The following DLC1 variants were observed in gnomAD, a reference collection of about 807,000 sequenced individuals.
DLC1 encodes DLC1 Rho GTPase activating protein, also known as rho GTPase-activating protein 7.
In DLC1, 54 loss-of-function variants were observed where a neutral mutation model predicts 140.3. That is an observed-to-expected ratio of 0.38 (90% CI 0.31 to 0.48). The LOEUF (loss-of-function observed/expected upper bound fraction) is 0.48, where lower values mean the gene tolerates loss of function less well. Among genes scored for constraint, DLC1 ranks in the 20% least tolerant of loss-of-function variants. The probability of loss-of-function intolerance (pLI) is 0.96; values close to 1 mark genes in which losing one functional copy is unlikely to be tolerated. For missense variants in DLC1, 2,536 were observed against 1,907.0 expected, an observed-to-expected ratio of 1.33 and a Z score of -6.14; for synonymous variants, 986 against 728.1, an observed-to-expected ratio of 1.35 and a Z score of -5.70.
At chr8:13,532,200 G>T (rs567082616) in intron 1 of DLC1, among the ~76,000 whole-genome samples, 1 of 152,122 alleles carries the variant, frequency 6.6e-6, no homozygotes, top group Non-Finnish European at 1.5e-5. Context: ...AGCCCAGGAC[G>T]TTGAGGTTGC....
At chr8:13,545,415 C>A (rs1273482226) in intron 1 of DLC1, among the ~76,000 whole-genome samples, 3 of 151,792 alleles carry the variant, frequency 2.0e-5, no homozygotes, top group African/African-American at 7.3e-5. Context: ...AGGTTGTTTC[C>A]CCTAAGTCAT....
In DLC1 at chr8:13,271,992, T is replaced by C. The variant is rs556473161; in HGVS notation, c.1348+33277A>G. Among the ~76,000 whole-genome samples, 53 of 152,326 alleles carry C rather than the reference T, an allele frequency of 3.5e-4. 2 individuals are homozygous for C. In the South Asian group the frequency reaches 0.011, roughly 32 times the overall value. On this transcript the variant is annotated intron_variant, in intron 5 of 17. Coordinates refer to ENST00000276297, the MANE Select transcript of DLC1 (RefSeq NM_182643.3). ...ACCCAGGCTCTTAAATGTTTAGCTA[T>C]GGGAATAATGTGACGTCACATATCT...
chr8:13,170,729 CAA>C (rs1179460110), intron 5 of DLC1, among the ~76,000 whole-genome samples: 52 of 63,112 alleles, frequency 8.2e-4, no homozygotes, highest in Admixed American at 1.3e-3. Context: ...GACTCCATCT[CAA>C]AAAAAAAAAA....
intron 1 of DLC1, among the ~76,000 whole-genome samples, chr8:13,581,082 C>G (rs1805079054): frequency 6.6e-6 from 1 of 152,172 alleles, no homozygotes; most frequent in Admixed American, 6.5e-5. Context: ...GAGTCAGACT[C>G]TATTACAAAG....
Position 13,090,259 on chromosome 8 carries a change from T to A in DLC1, c.4067A>T (p.Tyr1356Phe), listed in dbSNP as rs191653546. The A allele has an allele frequency of 6.2e-7, 1 of 1,614,016 alleles. No individual in the cohort carries two copies. The highest frequency in any genetic ancestry group is 2.2e-5 in the East Asian group (1 of 44,878). The stretch of plus-strand genomic sequence containing the variant: ...AACAGGGTGAAGCCTTACCTTCTTA[T>A]AGGACAGCTCAGCCTGCTCCGAAGT... ...YSTSEQAELS[Y>F]KKVSEGPPLR... Residue 1356 changes from tyrosine (Y) to phenylalanine (F), a missense_variant, in exon 15 of 18, where the codon TAT (tyrosine) becomes TTT (phenylalanine). By Grantham distance (22) the Tyr-to-Phe change is conservative. Transcript: ENST00000276297.
chr8:13,256,744 G>A (rs538270814), intron 5 of DLC1, among the ~76,000 whole-genome samples: 1 of 152,170 alleles, frequency 6.6e-6, no homozygotes, highest in South Asian at 2.1e-4. Context: ...CAAGGGAAGG[G>A]AGAGCATTAA....
intron 15 of DLC1, among the ~76,000 whole-genome samples, chr8:13,089,016 T>C (rs1317071159): frequency 6.6e-6 from 1 of 152,100 alleles, no homozygotes. Context: ...CCCAGCACTT[T>C]GGGAAGCCGA....
At chr8:13,170,523 A>G (rs7818388) in intron 5 of DLC1, among the ~76,000 whole-genome samples, 85,309 of 151,886 alleles carry the variant, frequency 0.56, 24,292 homozygotes, top group East Asian at 0.85. Context: ...GAGGTCAGGA[A>G]ATCGAGACCA....
At chr8:13,281,863 A>G (rs989674768) in intron 5 of DLC1, among the ~76,000 whole-genome samples, 2 of 152,210 alleles carry the variant, frequency 1.3e-5, no homozygotes, top group Non-Finnish European at 2.9e-5. Context: ...TTCTGAAGCT[A>G]AGATCTCTAC....
intron 5 of DLC1, among the ~76,000 whole-genome samples, chr8:13,288,119 CT>C (rs1247502657): frequency 6.6e-6 from 1 of 152,006 alleles, no homozygotes; most frequent in Non-Finnish European, 1.5e-5. Flanking sequence ...AATATTTTGA[CT>C]TTTTTTCTAA....
chr8:13,100,335 G>T lies in DLC1; in HGVS notation c.2002C>A (p.Leu668Met), dbSNP rs777509606. Residue 668 changes from leucine (L) to methionine (M), a missense_variant, in exon 9 of 18, where the codon CTG (leucine) becomes ATG (methionine). By Grantham distance (15) the Leu-to-Met change is conservative (BLOSUM62 2). Coordinates refer to ENST00000276297, the MANE Select transcript of DLC1 (RefSeq NM_182643.3). Reference sequence around the variant, plus strand: ...AGCTTCAGGCTCTCCATCCGTTTCAGCAGACTGCGCGTCTTGGACTTGGCA... The same window carrying T: ...AGCTTCAGGCTCTCCATCCGTTTCATCAGACTGCGCGTCTTGGACTTGGCA... ...KTAKSKTRSL[L>M]KRMESLKLKS... 5 of 1,614,188 alleles carry T rather than the reference G, an allele frequency of 3.1e-6. No homozygotes were observed. The highest frequency in any genetic ancestry group is 4.2e-6 in the Non-Finnish European group (5 of 1,180,048).
chr8:13,286,474 C>G (rs12542408), intron 5 of DLC1, among the ~76,000 whole-genome samples: 25 of 152,180 alleles, frequency 1.6e-4, no homozygotes, highest in Admixed American at 9.8e-4. Context: ...TTATTAGTAT[C>G]AGTTCATTCA....
chr8:13,419,969 C>T (rs1664152607), intron 2 of DLC1, among the ~76,000 whole-genome samples: 2 of 152,096 alleles, frequency 1.3e-5, no homozygotes, highest in African/African-American at 4.8e-5. Flanking sequence ...GGAATTTATC[C>T]ATTTCTTCTA....
At chr8:13,472,298 T>C (rs1800245308) in intron 2 of DLC1, among the ~76,000 whole-genome samples, 1 of 152,192 alleles carries the variant, frequency 6.6e-6, no homozygotes, top group African/African-American at 2.4e-5. Context: ...TACACACATA[T>C]GTACATTAAA....
intron 2 of DLC1, among the ~76,000 whole-genome samples, chr8:13,462,465 G>T (rs1050678037): frequency 2.0e-5 from 3 of 149,846 alleles, no homozygotes; most frequent in Non-Finnish European, 4.4e-5. Flanking sequence ...GTGCAGTGGC[G>T]CGATCTTGGC....
At chr8:13,090,530 C>T in intron 14 of DLC1, 60 bp from the exon 15 acceptor site, 1 of 1,581,534 alleles carries the variant, frequency 6.3e-7, no homozygotes, top group African/African-American at 1.3e-5. Flanking sequence ...TCTCAATGCC[C>T]ATCAGTGGAA....
At chr8:13,322,818 C>G (rs939070925) in intron 4 of DLC1, among the ~76,000 whole-genome samples, 14 of 149,666 alleles carry the variant, frequency 9.4e-5, no homozygotes, top group Admixed American at 2.7e-4. Context: ...TTAACACTCC[C>G]CCTTTTAAAA....
chr8:13,144,689 A>C (rs1054036859), intron 5 of DLC1, among the ~76,000 whole-genome samples: 14 of 152,178 alleles, frequency 9.2e-5, no homozygotes, highest in African/African-American at 3.1e-4. Flanking sequence ...GGTGTGAACC[A>C]GAGAGGCAGA....
chr8:13,120,972 T>C (rs1028158555), intron 5 of DLC1, among the ~76,000 whole-genome samples: 2 of 152,188 alleles, frequency 1.3e-5, no homozygotes, highest in Non-Finnish European at 1.5e-5. Flanking sequence ...CTAAACAAGA[T>C]ATGATTACTT....
Sources: gnomAD v4.1 joint callset for allele counts (sites outside exome capture counted in the v4.1 genomes callset) on GRCh38, gnomAD v4.1.1 for gene constraint, MANE v1.5 for transcripts, NCBI Gene and HGNC (gene_info 2026-07-23, HGNC 2026-07-21) for gene names.